The following CYYR1 variants were observed in gnomAD, a reference collection of about 807,000 sequenced individuals.
CYYR1 encodes the protein cysteine and tyrosine-rich protein 1.
CYYR1 carries 14 observed loss-of-function variants against 15.2 expected under a neutral mutation model. The observed-to-expected ratio is 0.92, with a 90% CI of 0.61 to 1.44. CYYR1 has a LOEUF of 1.44. CYYR1 is among the 40% of genes most tolerant of loss of function. CYYR1 has a pLI of 0.00. For missense variants in CYYR1, 228 were observed against 209.5 expected (o/e 1.09, Z -0.54); for synonymous variants, 80 against 77.4 (o/e 1.03, Z -0.18).
chr21:26,490,304 A>C (rs1211678904), intron 2 of CYYR1, among the ~76,000 whole-genome samples: 1 of 151,978 alleles, frequency 6.6e-6, no homozygotes, highest in African/African-American at 2.4e-5. Flanking sequence ...TGTCTCAAAA[A>C]ATTTAAAAAA....
intron 2 of CYYR1, among the ~76,000 whole-genome samples, chr21:26,519,049 C>A (rs2065770364): frequency 6.6e-6 from 1 of 152,182 alleles, no homozygotes; most frequent in African/African-American, 2.4e-5. Flanking sequence ...AAGTCTTATA[C>A]ATTTTTGTAT....
chr21:26,539,199 G>T (rs1315247020), intron 2 of CYYR1, among the ~76,000 whole-genome samples: 1 of 152,132 alleles, frequency 6.6e-6, no homozygotes, highest in Non-Finnish European at 1.5e-5. Context: ...AGACTCGCTG[G>T]TTAAAAATTC....
rs148907322 is a variant in CYYR1, at chr21:26,479,327, G to A, written c.334+945C>T. On this transcript the variant is annotated intron_variant, in intron 3 of 3. Coordinates refer to ENST00000652641, the MANE Select transcript of CYYR1 (RefSeq NM_001320768.2). ...GAAAAAAAAAAAAAAGATTGACAGA[G>A]GAAGGACAGAACAGGGAATTAATAC... 3.2e-3 allele frequency among the ~76,000 whole-genome samples: 491 copies of A among 151,882 alleles called. 2 individuals carry two copies. The highest frequency in any genetic ancestry group is 0.011 in the African/African-American group (453 of 41,462).
intron 2 of CYYR1, among the ~76,000 whole-genome samples, chr21:26,545,601 A>T (rs186917271): frequency 1.1e-5 from 1 of 91,252 alleles, no homozygotes; most frequent in Admixed American, 1.7e-4. Flanking sequence ...TTTGAGACGG[A>T]GTCTCGCCCA....
At chr21:26,572,312 C>G (rs222979) in intron 1 of CYYR1, among the ~76,000 whole-genome samples, 44,375 of 152,062 alleles carry the variant, frequency 0.29, 7,478 homozygotes, top group African/African-American at 0.46. Flanking sequence ...GAAGGGAAAC[C>G]AGATGCCCTT....
rs1032719415 is a variant in CYYR1 at position 26,468,066 on chromosome 21, A to G, written c.*435T>C. 3 of 227,640 alleles carry G rather than the reference A, an allele frequency of 1.3e-5. No homozygotes were observed. Among genetic ancestry groups the G allele is most frequent in the African/African-American group, 2.3e-5 (1 of 42,718 alleles). 14.1% of individuals were successfully genotyped at this position (227,640 alleles called of 1,614,324 possible). On this transcript the variant is annotated 3_prime_UTR_variant, in exon 4 of 4. Coordinates refer to ENST00000652641, the MANE Select transcript of CYYR1 (RefSeq NM_001320768.2). ...AAATACATTTATTGATGAATGAAAGAATGAACAATTCTAGTTCTGACTTTT... is the reference window on the plus strand; with the variant it reads ...AAATACATTTATTGATGAATGAAAGGATGAACAATTCTAGTTCTGACTTTT...
intron 2 of CYYR1, among the ~76,000 whole-genome samples, chr21:26,493,532 A>G (rs996707763): frequency 2.0e-5 from 3 of 152,210 alleles, no homozygotes; most frequent in African/African-American, 7.2e-5. Flanking sequence ...TTACAACTCT[A>G]TCCTATTCCA....
At chr21:26,541,887 G>A (rs1379806553) in intron 2 of CYYR1, among the ~76,000 whole-genome samples, 1 of 151,990 alleles carries the variant, frequency 6.6e-6, no homozygotes, top group African/African-American at 2.4e-5. Flanking sequence ...AAAATAAAGA[G>A]GTAAGCTAAA....
rs9975178 is a variant in CYYR1, at chr21:26,477,670, T to C, written c.334+2602A>G. On this transcript the variant is annotated intron_variant, in intron 3 of 3. Coordinates refer to ENST00000652641, the MANE Select transcript of CYYR1 (RefSeq NM_001320768.2). The stretch of plus-strand genomic sequence containing the variant: ...ATTTTATAAAAATATTTAAACATTA[T>C]TTTCAATTAAACTTTTTTGATCAAG... 9.8e-3 allele frequency: 8,069 copies of C among 822,630 alleles called. 477 individuals are homozygous for C. In the African/African-American group the frequency reaches 0.13, roughly 13 times the overall value. The allele number at this position is 822,630 out of a possible 1,614,324, so 51.0% of individuals were successfully genotyped here.
intron 2 of CYYR1, among the ~76,000 whole-genome samples, chr21:26,545,887 T>G (rs1014081910): frequency 3.9e-5 from 6 of 152,192 alleles, no homozygotes; most frequent in Non-Finnish European, 5.9e-5. Flanking sequence ...TAAGATAGTT[T>G]ACATTACCCA....
At chr21:26,475,068 G>T (rs2065086079) in intron 3 of CYYR1, among the ~76,000 whole-genome samples, 1 of 152,254 alleles carries the variant, frequency 6.6e-6, no homozygotes, top group African/African-American at 2.4e-5. Context: ...AAAGAAAAAT[G>T]CACAATGATG....
At chr21:26,563,936 G>A (rs1461910591) in intron 2 of CYYR1, among the ~76,000 whole-genome samples, 2 of 152,196 alleles carry the variant, frequency 1.3e-5, no homozygotes, top group East Asian at 3.9e-4. Context: ...ATTCATTTAA[G>A]TTACCTAATA....
intron 2 of CYYR1, among the ~76,000 whole-genome samples, chr21:26,491,116 A>C (rs454238): frequency 0.48 from 72,637 of 151,518 alleles, 17,997 homozygotes; most frequent in Middle Eastern, 0.53. Context: ...AACTAGAGCC[A>C]AATAGATACA....
chr21:26,540,035 A>G (rs1326725960), intron 2 of CYYR1, among the ~76,000 whole-genome samples: 1 of 152,224 alleles, frequency 6.6e-6, no homozygotes, highest in Non-Finnish European at 1.5e-5. Flanking sequence ...TGTTTTAAGG[A>G]AACCATTTCT....
chr21:26,528,829 AC>A (rs1245345919), intron 2 of CYYR1, among the ~76,000 whole-genome samples: 1 of 152,214 alleles, frequency 6.6e-6, no homozygotes, highest in Non-Finnish European at 1.5e-5. Flanking sequence ...GAGCTTAAGT[AC>A]TGATTATATG....
chr21:26,482,369 C>T, intron 2 of CYYR1: 3 of 985,288 alleles, frequency 3.0e-6, no homozygotes, highest in Non-Finnish European at 3.6e-6. Flanking sequence ...TTATCAGTAG[C>T]TTTTTCATAC....
At chr21:26,476,890 GA>G (rs2065112612) in intron 3 of CYYR1, among the ~76,000 whole-genome samples, 2 of 152,088 alleles carry the variant, frequency 1.3e-5, no homozygotes, top group Admixed American at 6.6e-5. Flanking sequence ...AAAAGTAGTG[GA>G]AATGTAAAAC....
chr21:26,505,355 A>G (rs991178912), intron 2 of CYYR1, among the ~76,000 whole-genome samples: 3 of 152,240 alleles, frequency 2.0e-5, no homozygotes, highest in Middle Eastern at 3.2e-3. Context: ...ATGTGCTTCT[A>G]TAAGAGCATT....
intron 2 of CYYR1, among the ~76,000 whole-genome samples, chr21:26,545,565 T>C (rs1432459543): frequency 7.3e-6 from 1 of 136,910 alleles, no homozygotes; most frequent in Non-Finnish European, 1.6e-5. Context: ...AAGATGCTTA[T>C]TCTTTTTTTT....
Sources: allele counts gnomAD v4.1 joint callset (sites outside exome capture counted in the v4.1 genomes callset), GRCh38; gene constraint gnomAD v4.1.1; transcripts MANE v1.5; gene names NCBI Gene and HGNC (gene_info 2026-07-23, HGNC 2026-07-21).